Variants in COPE observed in about 807,000 individuals in gnomAD.
COPE encodes coatomer subunit epsilon.
In COPE, 19 loss-of-function variants were observed where a neutral mutation model predicts 42.1. The observed-to-expected ratio is 0.45, with a 90% CI of 0.31 to 0.66. COPE has a LOEUF of 0.66. COPE is among the 30% of genes least tolerant of loss of function. The pLI is 0.05. For missense variants in COPE, 402 were observed against 416.1 expected, an observed-to-expected ratio of 0.97 and a Z score of 0.30; for synonymous variants, 195 against 181.3, an observed-to-expected ratio of 1.08 and a Z score of -0.60.
chr19:18,918,199 A>AG (rs1555711725), intron 1 of COPE, among the ~76,000 whole-genome samples: 35 of 135,992 alleles, frequency 2.6e-4, no homozygotes, highest in Non-Finnish European at 4.8e-4. Flanking sequence ...AAAAAAAAAA[A>AG]AAAAGAAAAG....
rs2231988 is a variant in COPE at position 18,919,319 on chromosome 19, G to A, written c.30C>T (p.Ser10=). ...GCTCGTCTACCTCCCCGGAGCCGCCGGAGGCCGGGCCGGGGGCCGGAGGCG... is the reference window on the plus strand; with the variant it reads ...GCTCGTCTACCTCCCCGGAGCCGCCAGAGGCCGGGCCGGGGGCCGGAGGCG... The part of the protein sequence containing the change: MAPPAPGPA[S]GGSGEVDELF... Residue 10 remains serine, a synonymous_variant, in exon 1 of 10, where the codon TCC becomes TCT. Transcript: ENST00000262812. 2.8e-4 allele frequency: 457 copies of A among 1,613,546 alleles called. 4 individuals carry two copies. The East Asian group carries it at 7.7e-3, about 27-fold the overall frequency.
At chr19:18,910,526 A>G (rs771516557) in intron 3 of COPE, 19 of 171,810 alleles carry the variant, frequency 1.1e-4, no homozygotes, top group Non-Finnish European at 1.9e-4. Context: ...CAGAGGTTGC[A>G]GTGAGCCGAG....
At chr19:18,909,124 C>T (rs1364098176) in intron 3 of COPE, among the ~76,000 whole-genome samples, 1 of 152,276 alleles carries the variant, frequency 6.6e-6, no homozygotes, top group East Asian at 1.9e-4. Context: ...GGACCGCCTG[C>T]TCTCCGGGGC....
At chr19:18,907,698 C>T (rs1011618856) in intron 3 of COPE, among the ~76,000 whole-genome samples, 1 of 152,222 alleles carries the variant, frequency 6.6e-6, no homozygotes, top group African/African-American at 2.4e-5. Context: ...CTCCATGTCC[C>T]TAACTGGACC....
chr19:18,915,135 G>A (rs956631541), intron 1 of COPE, among the ~76,000 whole-genome samples: 5 of 152,208 alleles, frequency 3.3e-5, no homozygotes, highest in African/African-American at 9.6e-5. Flanking sequence ...TTGAGCCTGG[G>A]AGGTCGAGGC....
intron 3 of COPE, 84 bp from the exon 4 acceptor site, chr19:18,907,196 G>A: frequency 4.1e-6 from 6 of 1,473,814 alleles, no homozygotes; most frequent in Non-Finnish European, 5.5e-6. Context: ...AAGCAGACAG[G>A]TCCAGAGAGG....
chr19:18,915,284 G>A (rs1211813405), intron 1 of COPE, among the ~76,000 whole-genome samples: 2 of 152,326 alleles, frequency 1.3e-5, no homozygotes, highest in East Asian at 1.9e-4. Context: ...GGGCGCCATC[G>A]GGGGCACCAG....
intron 2 of COPE, chr19:18,911,452 C>T: frequency 4.4e-6 from 1 of 227,864 alleles, no homozygotes. Context: ...GCCAGCCCTG[C>T]CCACCTACTG....
intron 1 of COPE, among the ~76,000 whole-genome samples, chr19:18,915,778 C>G (rs1016158663): frequency 1.3e-5 from 2 of 152,186 alleles, no homozygotes; most frequent in East Asian, 1.9e-4. Context: ...GTGATCTGAC[C>G]GCACTGGGCC....
intron 3 of COPE, among the ~76,000 whole-genome samples, chr19:18,908,156 G>A (rs1279092636): frequency 6.6e-6 from 1 of 152,192 alleles, no homozygotes; most frequent in Non-Finnish European, 1.5e-5. Context: ...ATGGGGCCGG[G>A]TACTGTGGCT....
At chr19:18,904,523 CCT>C (rs1491013634) in intron 6 of COPE, among the ~76,000 whole-genome samples, 1 of 152,252 alleles carries the variant, frequency 6.6e-6, no homozygotes. Context: ...CTCGAGTACC[CCT>C]GTGCCTCAGG....
chr19:18,905,376 A>C (rs1400631240), intron 5 of COPE, among the ~76,000 whole-genome samples, 200 bp downstream of exon 5: 2 of 152,074 alleles, frequency 1.3e-5, no homozygotes, highest in African/African-American at 4.8e-5. Flanking sequence ...GCATAGAGAG[A>C]AACTGAGGCA....
intron 9 of COPE, 48 bp from the exon 10 acceptor site, chr19:18,899,774 G>T (rs1473791530): frequency 6.2e-7 from 1 of 1,612,328 alleles, no homozygotes; most frequent in Non-Finnish European, 8.5e-7. Context: ...GGTGTGGGGA[G>T]ACAGGTGGAG....
At chr19:18,913,294 T>C (rs555157486) in intron 1 of COPE, among the ~76,000 whole-genome samples, 49 of 152,312 alleles carry the variant, frequency 3.2e-4, no homozygotes, top group Non-Finnish European at 6.6e-4. Flanking sequence ...CCAAGTTCAG[T>C]GTCTGCCCCA....
Position 18,919,373 on chromosome 19 carries a change from C to T in COPE, c.-25G>A. ...TTTCGCTGTCTTCTCACCAGCTCCT[C>T]TTCCTGAAAGACACGTCAGCCGGAA... On this transcript the variant is annotated 5_prime_UTR_variant, in exon 1 of 10. Coordinates refer to ENST00000262812, the MANE Select transcript of COPE (RefSeq NM_007263.4). 5.0e-6 allele frequency: 8 copies of T among 1,609,220 alleles called. No homozygotes were observed. The highest frequency in any genetic ancestry group is 6.8e-6 in the Non-Finnish European group (8 of 1,177,966).
chr19:18,904,686 C>T, intron 6 of COPE, 85 bp downstream of exon 6: 6 of 1,211,902 alleles, frequency 5.0e-6, no homozygotes, highest in Non-Finnish European at 4.7e-6. Context: ...GAGTGGCCAG[C>T]AGCCTACGCA....
intron 1 of COPE, among the ~76,000 whole-genome samples, chr19:18,915,396 G>C (rs1004788944): frequency 6.6e-6 from 1 of 152,212 alleles, no homozygotes; most frequent in Non-Finnish European, 1.5e-5. Context: ...AAGAGTGCCG[G>C]GAAGCATAAC....
chr19:18,917,653 G>A (rs935655780), intron 1 of COPE, among the ~76,000 whole-genome samples: 5 of 151,940 alleles, frequency 3.3e-5, no homozygotes, highest in Non-Finnish European at 5.9e-5. Flanking sequence ...GTGAACCACC[G>A]CGCCCGGCCA....
chr19:18,915,536 AC>A (rs2056847255), intron 1 of COPE, among the ~76,000 whole-genome samples: 1 of 152,150 alleles, frequency 6.6e-6, no homozygotes, highest in Non-Finnish European at 1.5e-5. Flanking sequence ...TTGCTCTTCA[AC>A]CCCAAGGGCT....
Sources: gnomAD v4.1 joint callset for allele counts (sites outside exome capture counted in the v4.1 genomes callset) on GRCh38, gnomAD v4.1.1 for gene constraint, MANE v1.5 for transcripts, NCBI Gene and HGNC (gene_info 2026-07-23, HGNC 2026-07-21) for gene names.